LRRTM4: variants seen among roughly 807,000 people sequenced by gnomAD.
LRRTM4 encodes leucine-rich repeat transmembrane neuronal protein 4.
A neutral mutation model predicts 47.6 loss-of-function variants in LRRTM4; 25 were observed. The ratio of observed to expected loss-of-function variants is 0.53; its 90% CI spans 0.38 to 0.73. The LOEUF is 0.73. Ranked by LOEUF, LRRTM4 falls within the 30% of genes least tolerant of loss-of-function variation. LRRTM4 has a pLI of 0.00. For synonymous variants in LRRTM4, 311 were observed against 269.5 expected (o/e 1.15, Z -1.51); for missense variants, 638 against 713.4 (o/e 0.89, Z 1.20).
intron 3 of LRRTM4, among the ~76,000 whole-genome samples, chr2:76,846,996 GAAT>G (rs1375302723): frequency 1.3e-5 from 2 of 152,140 alleles, no homozygotes; most frequent in Admixed American, 6.5e-5. Flanking sequence ...CTTCTGAGGA[GAAT>G]AATATTTGAG....
intron 3 of LRRTM4, among the ~76,000 whole-genome samples, chr2:77,001,770 T>C (rs925394525): frequency 6.6e-6 from 1 of 152,174 alleles, no homozygotes; most frequent in Admixed American, 6.6e-5. Context: ...TCCCATGCCC[T>C]TGTATATAAT....
At chr2:76,982,961 C>T (rs1254030928) in intron 3 of LRRTM4, among the ~76,000 whole-genome samples, 1 of 151,890 alleles carries the variant, frequency 6.6e-6, no homozygotes, top group African/African-American at 2.4e-5. Flanking sequence ...TTTTAAGTTA[C>T]AGATAAGTAA....
chr2:76,874,240 G>A (rs567683347), intron 3 of LRRTM4, among the ~76,000 whole-genome samples: 1 of 151,940 alleles, frequency 6.6e-6, no homozygotes, highest in South Asian at 2.1e-4. Context: ...AAGGAAGTCT[G>A]ACTTTGACTC....
intron 3 of LRRTM4, among the ~76,000 whole-genome samples, chr2:77,283,079 T>C (rs1224734496): frequency 6.6e-6 from 1 of 151,844 alleles, no homozygotes; most frequent in Admixed American, 6.6e-5. Flanking sequence ...AAACTATCCA[T>C]CCAACAAAAG....
At chr2:76,839,963 T>C (rs1038645719) in intron 3 of LRRTM4, among the ~76,000 whole-genome samples, 3 of 152,276 alleles carry the variant, frequency 2.0e-5, no homozygotes, top group African/African-American at 7.2e-5. Context: ...GGGTGTCTCC[T>C]ATGTGTCACA....
chr2:77,443,186 C>T (rs1038273032), intron 3 of LRRTM4, among the ~76,000 whole-genome samples: 3 of 152,172 alleles, frequency 2.0e-5, no homozygotes, highest in Admixed American at 6.5e-5. Context: ...TTCCAGCCGA[C>T]GTTTGCAGCT....
At chr2:76,818,354 A>G (rs948851661) in intron 3 of LRRTM4, among the ~76,000 whole-genome samples, 1 of 151,640 alleles carries the variant, frequency 6.6e-6, no homozygotes, top group African/African-American at 2.4e-5. Context: ...TTTCTGTTCA[A>G]TAGAGCTGCA....
chr2:76,960,479 CTT>C (rs1430375014), intron 3 of LRRTM4, among the ~76,000 whole-genome samples: 10 of 151,548 alleles, frequency 6.6e-5, no homozygotes, highest in Non-Finnish European at 1.5e-4. Flanking sequence ...TGTACCATCT[CTT>C]TATTATTTCT....
intron 3 of LRRTM4, among the ~76,000 whole-genome samples, chr2:76,936,238 C>A (rs1354800346): frequency 6.6e-6 from 1 of 152,088 alleles, no homozygotes; most frequent in Non-Finnish European, 1.5e-5. Context: ...TGCATATATA[C>A]CATGGACTAC....
chr2:76,996,874 G>C (rs1677221576), intron 3 of LRRTM4, among the ~76,000 whole-genome samples: 1 of 152,098 alleles, frequency 6.6e-6, no homozygotes, highest in African/African-American at 2.4e-5. Flanking sequence ...ATTTCTTAGA[G>C]GCTCACTCCT....
chr2:77,408,483 G>A (rs1674296737), intron 3 of LRRTM4, among the ~76,000 whole-genome samples: 1 of 152,192 alleles, frequency 6.6e-6, no homozygotes, highest in African/African-American at 2.4e-5. Context: ...TCTGTTAAGT[G>A]TAGAATTTAA....
chr2:77,215,008 C>T (rs1674396374), intron 3 of LRRTM4, among the ~76,000 whole-genome samples: 1 of 152,100 alleles, frequency 6.6e-6, no homozygotes, highest in South Asian at 2.1e-4. Context: ...TAGTAACATT[C>T]CAAGTGTCTC....
At chr2:77,241,221 CACACACACACACACACACACACACAT>C (rs1240263281) in intron 3 of LRRTM4, among the ~76,000 whole-genome samples, 1 of 107,736 alleles carries the variant, frequency 9.3e-6, no homozygotes, top group Non-Finnish European at 2.0e-5. Context: ...CACACACACA[CACACACACACACACACACACACACAT>C]GGGTCTAGAA....
intron 3 of LRRTM4, among the ~76,000 whole-genome samples, chr2:77,343,528 G>T (rs567680974): frequency 1.3e-5 from 2 of 151,690 alleles, no homozygotes; most frequent in South Asian, 2.1e-4. Flanking sequence ...AGTCATATCT[G>T]GCTATTTGTA....
intron 3 of LRRTM4, among the ~76,000 whole-genome samples, chr2:77,215,778 G>A (rs1467105868): frequency 6.6e-6 from 1 of 152,126 alleles, no homozygotes; most frequent in Admixed American, 6.6e-5. Flanking sequence ...TCTTTGGAAT[G>A]GCTGATTTTA....
intron 3 of LRRTM4, among the ~76,000 whole-genome samples, chr2:77,347,413 G>A (rs148954335): frequency 6.6e-6 from 1 of 152,124 alleles, no homozygotes; most frequent in South Asian, 2.1e-4. Flanking sequence ...AATATTTGGA[G>A]TACTATTGGA....
chr2:76,774,066 A>G (rs1300468165), intron 3 of LRRTM4, among the ~76,000 whole-genome samples: 1 of 152,224 alleles, frequency 6.6e-6, no homozygotes, highest in African/African-American at 2.4e-5. Context: ...TTAGCTACTA[A>G]TAGCCTACTT....
intron 3 of LRRTM4, among the ~76,000 whole-genome samples, chr2:77,079,551 C>T (rs1433389023): frequency 6.6e-6 from 1 of 152,108 alleles, no homozygotes; most frequent in Non-Finnish European, 1.5e-5. Context: ...TCAGCTATTG[C>T]TAGTGTTAGT....
intron 3 of LRRTM4, among the ~76,000 whole-genome samples, chr2:77,311,894 C>T (rs1291548982): frequency 6.6e-6 from 1 of 152,144 alleles, no homozygotes; most frequent in African/African-American, 2.4e-5. Context: ...TACTTTTACC[C>T]TAGCCTTTCT....
Sources: gnomAD v4.1 joint callset for allele counts (sites outside exome capture counted in the v4.1 genomes callset) on GRCh38, gnomAD v4.1.1 for gene constraint, MANE v1.5 for transcripts, NCBI Gene and HGNC (gene_info 2026-07-23, HGNC 2026-07-21) for gene names.